COL4A4: variants seen among roughly 807,000 people sequenced by gnomAD.
COL4A4 encodes the protein collagen alpha-4(IV) chain.
A neutral mutation model predicts 192.9 loss-of-function variants in COL4A4; 105 were observed. That is an observed-to-expected ratio of 0.54 (90% CI 0.46 to 0.64). The LOEUF is 0.64. COL4A4 is among the 30% of genes least tolerant of loss of function. The pLI is 0.00. For missense variants in COL4A4, 1,967 were observed against 2,169.3 expected, an observed-to-expected ratio of 0.91 and a Z score of 1.85; for synonymous variants, 762 against 769.9, an observed-to-expected ratio of 0.99 and a Z score of 0.17.
intron 25 of COL4A4, among the ~76,000 whole-genome samples, chr2:227,064,610 G>C (rs567780402): frequency 2.6e-5 from 4 of 152,188 alleles, no homozygotes; most frequent in Admixed American, 6.5e-5. Flanking sequence ...CAAAATGAAG[G>C]CAAGAATTCT....
intron 1 of COL4A4, among the ~76,000 whole-genome samples, chr2:227,154,584 T>C (rs545580828): frequency 6.6e-6 from 1 of 152,366 alleles, no homozygotes; most frequent in South Asian, 2.1e-4. Flanking sequence ...ACTAACTCAC[T>C]GACTGCACAT....
Position 227,008,141 on chromosome 2 carries a change from A to G in COL4A4, c.4686T>C (p.Tyr1562=). 6.2e-7 allele frequency: 1 copy of G among 1,614,006 alleles called. No homozygotes were observed. The highest frequency in any genetic ancestry group is 8.5e-7 in the Non-Finnish European group (1 of 1,179,900). Residue 1562 remains tyrosine, a synonymous_variant, in exon 47 of 48, where the codon TAT becomes TAC. Transcript: ENST00000396625. The part of the protein sequence containing the change: ...MPLSEEAIRP[Y]VSRCAVCEAP... Reference sequence around the variant, plus strand: ...CCTCGCATACCGCACAGCGGCTGACATAGGGGCGGATCGCCTCTTCAGAGA... The same window carrying G: ...CCTCGCATACCGCACAGCGGCTGACGTAGGGGCGGATCGCCTCTTCAGAGA...
At chr2:227,088,548 C>A in intron 22 of COL4A4, 105 bp downstream of exon 22, 1 of 1,445,476 alleles carries the variant, frequency 6.9e-7, no homozygotes. Context: ...AAACCTCTTT[C>A]CTTAATAAAT....
chr2:227,163,671 G>A (rs989276591), intron 1 of COL4A4, among the ~76,000 whole-genome samples: 1 of 152,214 alleles, frequency 6.6e-6, no homozygotes, highest in Non-Finnish European at 1.5e-5. Context: ...CTGCATTTCC[G>A]CAGATAAGAT....
the COL4A4 span, among the ~76,000 whole-genome samples, chr2:226,994,645 T>A: frequency 3.3e-5 from 5 of 152,306 alleles, no homozygotes; most frequent in Non-Finnish European, 7.4e-5. Context: ...GGTTTCCTCA[T>A]GGGGAATATT....
chr2:227,123,107 C>T lies in COL4A4; in HGVS notation c.193-1959G>A, dbSNP rs774171602. On this transcript the variant is annotated intron_variant, in intron 4 of 47. Coordinates refer to ENST00000396625, the MANE Select transcript of COL4A4 (RefSeq NM_000092.5). The surrounding 1 kb of genome is among the most constrained non-coding windows in gnomAD (Gnocchi z 4.6). ...CTCGAACTCCTGACCTCAGGTGATC[C>T]GCTTGCCTTCAGCTTCCCAAAGTGC... Among the ~76,000 whole-genome samples the T allele has an allele frequency of 2.6e-5, 4 of 152,080 alleles. No homozygotes were observed. The highest frequency in any genetic ancestry group is 5.9e-5 in the Non-Finnish European group (4 of 68,026).
intron 41 of COL4A4, among the ~76,000 whole-genome samples, chr2:227,029,726 C>T (rs1967839577): frequency 6.6e-6 from 1 of 152,190 alleles, no homozygotes; most frequent in Admixed American, 6.5e-5. Flanking sequence ...CTCTGAAATT[C>T]TGGTGACCAA....
intron 25 of COL4A4, among the ~76,000 whole-genome samples, chr2:227,077,408 G>A (rs190096351): frequency 2.5e-3 from 377 of 152,198 alleles, no homozygotes; most frequent in African/African-American, 8.5e-3. Context: ...ACCAAACACC[G>A]CATGTTCTCG....
intron 4 of COL4A4, among the ~76,000 whole-genome samples, chr2:227,124,554 T>C (rs1200323226): frequency 1.3e-5 from 2 of 152,248 alleles, no homozygotes; most frequent in Non-Finnish European, 2.9e-5. Flanking sequence ...TGAGTATCCA[T>C]ATAAATGCTA....
chr2:226,999,334 A>G (rs1289287088), downstream of COL4A4: 1 of 152,174 alleles, frequency 6.6e-6, no homozygotes, highest in East Asian at 1.9e-4. Context: ...AATGATGGAA[A>G]GCATTTGCTG....
chr2:227,110,059 T>A (rs190086163), intron 9 of COL4A4, among the ~76,000 whole-genome samples: 4 of 152,276 alleles, frequency 2.6e-5, no homozygotes, highest in African/African-American at 7.2e-5. Context: ...AGTCCCTAAT[T>A]TGAGATCAAG....
chr2:227,145,262 G>T (rs1174289752), intron 2 of COL4A4, among the ~76,000 whole-genome samples: 2 of 152,020 alleles, frequency 1.3e-5, no homozygotes, highest in Non-Finnish European at 2.9e-5. Flanking sequence ...AGCCTGGCCA[G>T]CATGACGAAA....
At chr2:227,054,537 T>C (rs2150218559) in intron 31 of COL4A4, 57 bp downstream of exon 31, 1 of 1,594,634 alleles carries the variant, frequency 6.3e-7, no homozygotes. Flanking sequence ...ATCACATTTC[T>C]AGGTTTGGAT....
chr2:226,978,871 A>T, the COL4A4 span, among the ~76,000 whole-genome samples: 4 of 152,220 alleles, frequency 2.6e-5, no homozygotes, highest in African/African-American at 9.6e-5. Flanking sequence ...GTTTTTGAAA[A>T]GCTCTCCCAG....
intron 1 of COL4A4, among the ~76,000 whole-genome samples, chr2:227,152,774 A>T (rs993177148): frequency 3.3e-5 from 5 of 152,192 alleles, no homozygotes; most frequent in African/African-American, 9.6e-5. Flanking sequence ...AAACAAAAAT[A>T]CCCCATCACT....
intron 44 of COL4A4, among the ~76,000 whole-genome samples, chr2:227,012,586 GA>G (rs1416980264): frequency 1.4e-5 from 2 of 139,554 alleles, no homozygotes; most frequent in African/African-American, 5.5e-5. Flanking sequence ...GAGGTGTTGA[GA>G]GACAGGTTTT....
intron 43 of COL4A4, among the ~76,000 whole-genome samples, chr2:227,024,867 G>C (rs1344884258): frequency 1.3e-5 from 2 of 152,224 alleles, no homozygotes; most frequent in Non-Finnish European, 2.9e-5. Flanking sequence ...GCCCTTCCCA[G>C]TGGGAACGGA....
chr2:227,014,929 T>G (rs1445516380), intron 44 of COL4A4, among the ~76,000 whole-genome samples: 1 of 148,802 alleles, frequency 6.7e-6, no homozygotes, highest in Non-Finnish European at 1.5e-5. Flanking sequence ...GATGGAGTCT[T>G]TCTCTGTTGG....
At chr2:227,122,653 A>G (rs2061861112) in intron 4 of COL4A4, among the ~76,000 whole-genome samples, 2 of 152,294 alleles carry the variant, frequency 1.3e-5, no homozygotes, top group South Asian at 4.1e-4. Context: ...TTCATGGGCA[A>G]ATGGAAGTGT....
Sources: gnomAD v4.1 joint callset for allele counts (sites outside exome capture counted in the v4.1 genomes callset) on GRCh38, gnomAD v4.1.1 for gene constraint, Gnocchi (gnomAD v3.1) non-coding constraint, MANE v1.5 for transcripts, NCBI Gene and HGNC (gene_info 2026-07-23, HGNC 2026-07-21) for gene names.